CEP128: variants seen among roughly 807,000 people sequenced by gnomAD.
The protein encoded by CEP128 is centrosomal protein 128.
CEP128 carries 132 observed loss-of-function variants against 156.7 expected under a neutral mutation model. The ratio of observed to expected loss-of-function variants is 0.84; its 90% CI spans 0.73 to 0.97. The LOEUF (loss-of-function observed/expected upper bound fraction) is 0.97. Ranked by LOEUF, CEP128 falls within the 50% of genes least tolerant of loss-of-function variation. The pLI is 0.00. For missense variants in CEP128, 1,252 were observed against 1,281.9 expected (o/e 0.98, Z 0.36); for synonymous variants, 469 against 448.9 (o/e 1.04, Z -0.57).
intron 21 of CEP128, among the ~76,000 whole-genome samples, chr14:80,558,877 T>C (rs893137369): frequency 1.3e-5 from 2 of 152,192 alleles, no homozygotes; most frequent in Admixed American, 1.3e-4. Context: ...GAAAATAATG[T>C]TTATAAAAAC....
At position 80,771,185 on chromosome 14, in the gene CEP128, T is replaced by C. The variant is rs1040612386; in HGVS notation, c.2376+6697A>G. ...TCATTGACGACTCACATTCCAAAAT[T>C]TGTCAGACCAAAAAATAAGAGTATA... On this transcript the variant is annotated intron_variant, in intron 16 of 24. Coordinates refer to ENST00000555265, the MANE Select transcript of CEP128 (RefSeq NM_152446.5). Among the ~76,000 whole-genome samples the C allele has an allele frequency of 2.0e-5, 3 of 152,166 alleles. No homozygotes were observed. In the East Asian group the frequency reaches 5.8e-4, roughly 29 times the overall value.
chr14:80,904,880 T>G lies in CEP128; in HGVS notation c.413A>C (p.Gln138Pro). 6.2e-7 allele frequency: 1 copy of G among 1,612,722 alleles called. No individual in the cohort carries two copies. The highest frequency in any genetic ancestry group is 8.5e-7 in the Non-Finnish European group (1 of 1,178,732). The change falls in exon 6 of 25, where the codon CAG becomes CCG. Residue 138 changes from glutamine to proline, a missense_variant. Transcript: ENST00000555265. Reference protein sequence around the residue: ...TSPLKDYGDPQGIKRMRSRTG... With the variant: ...TSPLKDYGDPPGIKRMRSRTG... The stretch of plus-strand genomic sequence containing the variant: ...TCTTGATCTCATTCGTTTAATACCC[T>G]GTGGATCCCCATAGTCCTTGAGAGG...
chr14:80,906,481 G>C (rs1257944044), intron 4 of CEP128, among the ~76,000 whole-genome samples: 2 of 152,070 alleles, frequency 1.3e-5, no homozygotes, highest in Non-Finnish European at 2.9e-5. Context: ...AGAAACTCCA[G>C]GTCTACAACA....
intron 14 of CEP128, among the ~76,000 whole-genome samples, chr14:80,786,401 G>A (rs1054521628): frequency 6.6e-6 from 1 of 152,164 alleles, no homozygotes; most frequent in Non-Finnish European, 1.5e-5. Flanking sequence ...CAAATAATGA[G>A]TTAAAATGCA....
chr14:80,754,770 T>C (rs1395035057), intron 18 of CEP128, among the ~76,000 whole-genome samples: 5 of 152,162 alleles, frequency 3.3e-5, no homozygotes, highest in Non-Finnish European at 7.4e-5. Context: ...GACGTCTTGT[T>C]CATTTTTTAT....
intron 15 of CEP128, among the ~76,000 whole-genome samples, chr14:80,779,086 T>A (rs1192681044): frequency 3.9e-5 from 6 of 152,228 alleles, no homozygotes; most frequent in African/African-American, 1.4e-4. Context: ...ATCATTAGGT[T>A]TTAAAAACCA....
At chr14:80,858,791 A>G (rs2140145832) in intron 9 of CEP128, among the ~76,000 whole-genome samples, 1 of 152,258 alleles carries the variant, frequency 6.6e-6, no homozygotes, top group East Asian at 1.9e-4. Flanking sequence ...AAAACACATG[A>G]AAAAATGCTC....
intron 19 of CEP128, among the ~76,000 whole-genome samples, chr14:80,584,019 C>G (rs1372989286): frequency 1.3e-5 from 2 of 152,050 alleles, no homozygotes; most frequent in African/African-American, 2.4e-5. Flanking sequence ...TAATCATGCT[C>G]TCATTTGTAC....
intron 19 of CEP128, chr14:80,742,651 A>G (rs895900010): frequency 2.5e-5 from 4 of 162,714 alleles, no homozygotes; most frequent in African/African-American, 9.6e-5. Flanking sequence ...CCAATAAAAC[A>G]TAAGCTAAAT....
intron 19 of CEP128, among the ~76,000 whole-genome samples, chr14:80,671,583 C>A (rs1173211492): frequency 6.6e-6 from 1 of 152,134 alleles, no homozygotes; most frequent in East Asian, 1.9e-4. Flanking sequence ...AAGTTAAAAT[C>A]TCTTTTCTCT....
chr14:80,897,106 T>C (rs550600984), intron 7 of CEP128, among the ~76,000 whole-genome samples: 108 of 152,238 alleles, frequency 7.1e-4, no homozygotes, highest in Non-Finnish European at 1.1e-3. Context: ...TTAAAATACA[T>C]TGCTGTATAT....
intron 13 of CEP128, among the ~76,000 whole-genome samples, chr14:80,794,814 T>C (rs537055068): frequency 5.3e-5 from 8 of 152,228 alleles, no homozygotes; most frequent in Admixed American, 2.0e-4. Flanking sequence ...AAGGGGTCTA[T>C]AGACTACAAT....
intron 19 of CEP128, among the ~76,000 whole-genome samples, chr14:80,715,159 G>A (rs11847481): frequency 0.065 from 9,893 of 151,946 alleles, 1,068 homozygotes; most frequent in African/African-American, 0.23. Context: ...TCAGGTCAAG[G>A]CTGCAGTGAG....
At chr14:80,560,659 CA>C (rs1194143805) in intron 20 of CEP128, among the ~76,000 whole-genome samples, 1 of 151,964 alleles carries the variant, frequency 6.6e-6, no homozygotes. Flanking sequence ...CTGGTGGGCA[CA>C]ATCTAATCAG....
chr14:80,498,632 C>T (rs575687450), intron 24 of CEP128, among the ~76,000 whole-genome samples: 29 of 152,332 alleles, frequency 1.9e-4, no homozygotes, highest in African/African-American at 6.3e-4. Context: ...TCAGCTGTAA[C>T]CTCCTCAGGG....
Position 80,914,466 on chromosome 14 carries a change from T to C in CEP128, c.148-58A>G. ...CCAAATACTTTTTTTTCCTAATCAA[T>C]CTTAGTAGTATGTCAATCAACTAAG... On this transcript the variant is annotated intron_variant, in intron 3 of 24. Transcript: ENST00000555265. The C allele has an allele frequency of 2.3e-6, 3 of 1,282,250 alleles. No homozygotes were observed. The Admixed American group carries it at 5.1e-5, about 22-fold the overall frequency. The allele number at this position is 1,282,250 out of a possible 1,614,324, so 79.4% of individuals were successfully genotyped here.
chr14:80,930,293 C>T (rs1022041808), intron 2 of CEP128, among the ~76,000 whole-genome samples: 1 of 152,180 alleles, frequency 6.6e-6, no homozygotes, highest in Non-Finnish European at 1.5e-5. Flanking sequence ...CATCTGGCGG[C>T]AGGCTTTAAG....
chr14:80,928,378 A>G (rs1885265864), intron 2 of CEP128, among the ~76,000 whole-genome samples: 2 of 152,186 alleles, frequency 1.3e-5, no homozygotes, highest in African/African-American at 4.8e-5. Context: ...GAAAACCAAC[A>G]TAAAGAAATT....
chr14:80,764,129 T>C (rs1252417471), intron 16 of CEP128, among the ~76,000 whole-genome samples: 2 of 152,200 alleles, frequency 1.3e-5, no homozygotes, highest in Non-Finnish European at 2.9e-5. Context: ...ACTACTTCAA[T>C]CTTTTGATAT....
Sources: gnomAD v4.1 joint callset for allele counts (sites outside exome capture counted in the v4.1 genomes callset) on GRCh38, gnomAD v4.1.1 for gene constraint, MANE v1.5 for transcripts, NCBI Gene and HGNC (gene_info 2026-07-23, HGNC 2026-07-21) for gene names.